The following XKR6 variants were observed in gnomAD, a reference collection of about 807,000 sequenced individuals.
XKR6 encodes XK-related protein 6.
A neutral mutation model predicts 56.7 loss-of-function variants in XKR6; 22 were observed. The observed-to-expected ratio is 0.39, with a 90% CI of 0.28 to 0.55. The LOEUF (loss-of-function observed/expected upper bound fraction) is 0.55. Among genes scored for constraint, XKR6 ranks in the 20% least tolerant of loss-of-function variants. XKR6 has a pLI of 0.66. For missense variants in XKR6, 852 were observed against 889.0 expected (o/e 0.96, Z 0.53); for synonymous variants, 524 against 387.8 (o/e 1.35, Z -4.13).
At chr8:10,980,110 G>A (rs112551629) in intron 1 of XKR6, among the ~76,000 whole-genome samples, 2 of 152,356 alleles carry the variant, frequency 1.3e-5, no homozygotes, top group Non-Finnish European at 2.9e-5. Flanking sequence ...CTGGAGCCCA[G>A]AAAGGGAGTG....
intron 1 of XKR6, among the ~76,000 whole-genome samples, chr8:10,985,140 A>G (rs1797831582): frequency 6.6e-6 from 1 of 151,900 alleles, no homozygotes; most frequent in Admixed American, 6.6e-5. Flanking sequence ...AGAGGGGGTG[A>G]TACGGTTTTG....
chr8:10,965,561 A>C (rs1193337233), intron 1 of XKR6, among the ~76,000 whole-genome samples: 1 of 152,204 alleles, frequency 6.6e-6, no homozygotes, highest in Non-Finnish European at 1.5e-5. Flanking sequence ...TAAGGCACGC[A>C]GGGGGCCTGT....
chr8:10,908,289 A>T (rs746436444), intron 2 of XKR6, among the ~76,000 whole-genome samples: 5 of 152,130 alleles, frequency 3.3e-5, no homozygotes, highest in African/African-American at 1.2e-4. Context: ...AAACTGCAGC[A>T]CGGCCAGCCT....
At chr8:11,164,840 A>G (rs1801990968) in intron 1 of XKR6, among the ~76,000 whole-genome samples, 2 of 152,200 alleles carry the variant, frequency 1.3e-5, no homozygotes. Flanking sequence ...CCTGTCTCCC[A>G]TACCAACACC....
chr8:11,061,609 T>C (rs1042051583), intron 1 of XKR6, among the ~76,000 whole-genome samples: 2 of 152,172 alleles, frequency 1.3e-5, no homozygotes, highest in Admixed American at 1.3e-4. Flanking sequence ...ATTCATTCAT[T>C]CATTCATTCA....
chr8:10,958,058 C>G (rs985338593), intron 1 of XKR6, among the ~76,000 whole-genome samples: 3 of 152,212 alleles, frequency 2.0e-5, no homozygotes, highest in African/African-American at 7.2e-5. Flanking sequence ...GTTGTGTGAT[C>G]TTCAGTAAGT....
chr8:11,187,520 A>C (rs563123417), intron 1 of XKR6, among the ~76,000 whole-genome samples: 2 of 152,218 alleles, frequency 1.3e-5, no homozygotes, highest in African/African-American at 4.8e-5. Context: ...ATGGAGAAGG[A>C]GTGTTGGTTC....
intron 1 of XKR6, among the ~76,000 whole-genome samples, chr8:11,026,162 C>T (rs1798856280): frequency 6.6e-6 from 1 of 152,088 alleles, no homozygotes; most frequent in Admixed American, 6.5e-5. Context: ...ACCTACGACA[C>T]ACCTAGATGG....
At chr8:11,043,035 G>A (rs1799324108) in intron 1 of XKR6, among the ~76,000 whole-genome samples, 1 of 152,150 alleles carries the variant, frequency 6.6e-6, no homozygotes, top group South Asian at 2.1e-4. Context: ...TGCCAGCCCT[G>A]GGGGGCTGGG....
intron 1 of XKR6, among the ~76,000 whole-genome samples, chr8:11,141,960 T>G (rs138118630): frequency 6.6e-6 from 1 of 151,262 alleles, no homozygotes; most frequent in African/African-American, 2.4e-5. Context: ...ATTGTCACTC[T>G]GAAAATTCTC....
intron 1 of XKR6, among the ~76,000 whole-genome samples, chr8:11,115,770 A>G (rs1799141301): frequency 6.6e-6 from 1 of 152,236 alleles, no homozygotes; most frequent in Non-Finnish European, 1.5e-5. Flanking sequence ...GCTCAAGATC[A>G]TCACCAAGGC....
chr8:11,153,319 A>G (rs1046633036), intron 1 of XKR6, among the ~76,000 whole-genome samples: 7 of 152,218 alleles, frequency 4.6e-5, no homozygotes, highest in African/African-American at 1.7e-4. Context: ...GAAATATGGA[A>G]TTACTCGTGC....
chr8:10,939,120 C>T (rs1410652775), intron 1 of XKR6, among the ~76,000 whole-genome samples: 2 of 152,058 alleles, frequency 1.3e-5, no homozygotes, highest in African/African-American at 4.8e-5. Context: ...GCTCACAAAC[C>T]CTGGATGGAA....
rs1563206752 is a variant in XKR6 at position 11,190,220 on chromosome 8, GAA to G, written c.764+10354_764+10355del. Among the ~76,000 whole-genome samples the G allele has an allele frequency of 4.9e-4, 57 of 116,920 alleles. 1 individual carries two copies. Among genetic ancestry groups the G allele is most frequent in the African/African-American group, 1.8e-3 (52 of 28,406 alleles). 76.7% of individuals were successfully genotyped at this position (116,920 alleles called of 152,430 possible). On this transcript the variant is annotated intron_variant, in intron 1 of 2. Coordinates refer to ENST00000416569, the MANE Select transcript of XKR6 (RefSeq NM_173683.4). ...GAAAGAAAGAAAAGAAAGAAAGAAA[GAA>G]AGAGAAAAGAAAAAAGAAAAAAGAA...
At chr8:11,157,467 A>C (rs979363430) in intron 1 of XKR6, among the ~76,000 whole-genome samples, 29 of 150,312 alleles carry the variant, frequency 1.9e-4, no homozygotes, top group Admixed American at 1.3e-4. Flanking sequence ...AAAAACCTAA[A>C]ATTATTTTAA....
chr8:11,067,882 G>A (rs1226870104), intron 1 of XKR6, among the ~76,000 whole-genome samples: 2 of 152,234 alleles, frequency 1.3e-5, no homozygotes, highest in Non-Finnish European at 2.9e-5. Flanking sequence ...TGAGCCTGGG[G>A]GTCTCCCCAT....
chr8:10,924,045 T>C (rs557075622), intron 2 of XKR6, among the ~76,000 whole-genome samples: 1 of 152,326 alleles, frequency 6.6e-6, no homozygotes, highest in South Asian at 2.1e-4. Flanking sequence ...ATGATCCTTC[T>C]TGCCCATGAC....
intron 1 of XKR6, among the ~76,000 whole-genome samples, chr8:11,186,117 CG>C (rs1479084789): frequency 1.3e-5 from 2 of 152,118 alleles, no homozygotes; most frequent in African/African-American, 2.4e-5. Context: ...AAAGGGAAAT[CG>C]TCTCTTGTAC....
intron 1 of XKR6, among the ~76,000 whole-genome samples, chr8:11,085,238 C>G (rs764055500): frequency 3.3e-5 from 5 of 152,216 alleles, no homozygotes; most frequent in Non-Finnish European, 5.9e-5. Context: ...TCTGCGGCCC[C>G]CATGCTAGGT....
Sources: gnomAD v4.1 joint callset for allele counts (sites outside exome capture counted in the v4.1 genomes callset) on GRCh38, gnomAD v4.1.1 for gene constraint, MANE v1.5 for transcripts, NCBI Gene and HGNC (gene_info 2026-07-23, HGNC 2026-07-21) for gene names.